MUC4: variants seen among roughly 807,000 people sequenced by gnomAD.
MUC4 encodes mucin 4, cell surface associated.
In MUC4, 202 loss-of-function variants were observed where a neutral mutation model predicts 257.9. The ratio of observed to expected loss-of-function variants is 0.78; its 90% CI spans 0.70 to 0.88. MUC4 has a LOEUF of 0.88. Ranked by LOEUF, MUC4 falls within the 40% of genes least tolerant of loss-of-function variation. MUC4 has a pLI of 0.00. For synonymous variants in MUC4, 2,351 were observed against 2,757.1 expected (o/e 0.85, Z 4.62); for missense variants, 5,976 against 6,513.7 (o/e 0.92, Z 2.84).
In MUC4 at chr3:195,789,583, G is replaced by A. The variant is rs1733594212; in HGVS notation, c.1997C>T (p.Thr666Ile). 6.2e-7 allele frequency: 1 copy of A among 1,613,970 alleles called. No individual in the cohort carries two copies. Among genetic ancestry groups the A allele is most frequent in the Non-Finnish European group, 8.5e-7 (1 of 1,179,880 alleles). The change falls in exon 2 of 25, where the codon ACC becomes ATC. Residue 666 changes from threonine to isoleucine, a missense_variant. Around this residue, in one of 44 missense-constraint regions of MUC4, gnomAD observed 1,583 missense variants for 1,257.4 expected, o/e 1.26. Coordinates refer to ENST00000463781, the MANE Select transcript of MUC4 (RefSeq NM_018406.7). ...SPMTDTKTVTTPGSSFTASGH... is the reference protein window; with the variant it reads ...SPMTDTKTVTIPGSSFTASGH... ...ACTGGCTGTGAAGGAAGAACCTGGG[G>A]TGGTGACTGTCTTGGTGTCAGTCAT...
chr3:195,796,822 G>A (rs1734635250), intron 1 of MUC4, among the ~76,000 whole-genome samples: 1 of 152,190 alleles, frequency 6.6e-6, no homozygotes, highest in Non-Finnish European at 1.5e-5. Context: ...GTTTGGAACA[G>A]GAGGAAATGA....
At position 195,791,264 on chromosome 3, in the gene MUC4, T is replaced by C; in HGVS notation, c.316A>G (p.Ser106Gly). 8 of 1,613,660 alleles carry C rather than the reference T, an allele frequency of 5.0e-6. No individual in the cohort carries two copies. The highest frequency in any genetic ancestry group is 6.8e-6 in the Non-Finnish European group (8 of 1,179,634). Reference sequence around the variant, plus strand: ...GCTGTCTCCATCACATTGTGTACACTTGGGGAAGAAAAAAGAGTTGATGTC... The same window carrying C: ...GCTGTCTCCATCACATTGTGTACACCTGGGGAAGAAAAAAGAGTTGATGTC... ...MMTSTLFSSP[S>G]VHNVMETAPP... The change falls in exon 2 of 25, where the codon AGT (serine) becomes GGT (glycine). Residue 106 changes from serine (S) to glycine (G), a missense_variant. Transcript: ENST00000463781.
intron 1 of MUC4, among the ~76,000 whole-genome samples, chr3:195,801,037 CTT>C (rs1184351207): frequency 3.9e-5 from 6 of 152,194 alleles, no homozygotes; most frequent in Non-Finnish European, 8.8e-5. Context: ...AGTATCCACT[CTT>C]AACAATGTTT....
At position 195,790,059 on chromosome 3, in the gene MUC4, T is replaced by C. The variant is rs1311822921; in HGVS notation, c.1521A>G (p.Ser507=). Residue 507 remains serine (S), a synonymous_variant, in exon 2 of 25, where the codon TCA becomes TCG. Coordinates refer to ENST00000463781, the MANE Select transcript of MUC4 (RefSeq NM_018406.7). ...HTTWSQTELP[S]TSTGAATRLV... ...GCCTAGTGGCAGCACCTGTTGATGT[T>C]GAGGGCAGTTCTGTTTGTGACCAAG... The C allele has an allele frequency of 1.2e-6, 2 of 1,613,906 alleles. No individual in the cohort carries two copies.
At chr3:195,752,900 C>T in intron 20 of MUC4, 151 bp downstream of exon 20, 1 of 760,698 alleles carries the variant, frequency 1.3e-6, no homozygotes, top group Non-Finnish European at 2.1e-6. Context: ...GCTCCCATAG[C>T]CCGCACCTTA....
chr3:195,811,842 T>C lies in MUC4; in HGVS notation c.-25A>G, dbSNP rs1306459883. 1.2e-6 allele frequency: 2 copies of C among 1,609,240 alleles called. No individual in the cohort carries two copies. Among genetic ancestry groups the C allele is most frequent in the African/African-American group, 1.3e-5 (1 of 74,820 alleles). On this transcript the variant is annotated 5_prime_UTR_variant, in exon 1 of 25. Transcript: ENST00000463781. ...TGGCTGCGGCAAAAGTCCCCCTGGCTCCCTGGGGAAGCTCCACGGCCCAGC... is the reference window on the plus strand; with the variant it reads ...TGGCTGCGGCAAAAGTCCCCCTGGCCCCCTGGGGAAGCTCCACGGCCCAGC...
intron 17 of MUC4, 30 bp downstream of exon 17, chr3:195,759,094 C>T: frequency 1.9e-6 from 3 of 1,611,978 alleles, no homozygotes; most frequent in Non-Finnish European, 2.5e-6. Context: ...CCCACCTCCC[C>T]ACTCTCCCCA....
At position 195,807,847 on chromosome 3, in the gene MUC4, A is replaced by G. The variant is rs180808648; in HGVS notation, c.82+3889T>C. ...CTCTCATTGCCTCTTGTCCTTAGCAATGAAGACACAAATCACTTGCGTGTC... is the reference window on the plus strand; with the variant it reads ...CTCTCATTGCCTCTTGTCCTTAGCAGTGAAGACACAAATCACTTGCGTGTC... On this transcript the variant is annotated intron_variant, in intron 1 of 24. Coordinates refer to ENST00000463781, the MANE Select transcript of MUC4 (RefSeq NM_018406.7). Among the ~76,000 whole-genome samples, 35 of 152,238 alleles carry G rather than the reference A, an allele frequency of 2.3e-4. 1 individual carries two copies. The highest frequency in any genetic ancestry group is 5.8e-4 in the African/African-American group (24 of 41,452).
At position 195,771,819 on chromosome 3, in the gene MUC4, G is replaced by C; in HGVS notation, c.13078-3C>G. The C allele has an allele frequency of 5.0e-6, 8 of 1,613,234 alleles. No individual in the cohort carries two copies. Among genetic ancestry groups the C allele is most frequent in the Non-Finnish European group, 6.8e-6 (8 of 1,179,380 alleles). On this transcript the variant is annotated splice_region_variant and splice_polypyrimidine_tract_variant and intron_variant, in intron 4 of 24. Coordinates refer to ENST00000463781, the MANE Select transcript of MUC4 (RefSeq NM_018406.7). Reference sequence around the variant, plus strand: ...ATGATCTGGCCATTGTCTGTGAACTGAGCACATGGGTTTTGTGGTCAGCAT... The same window carrying C: ...ATGATCTGGCCATTGTCTGTGAACTCAGCACATGGGTTTTGTGGTCAGCAT...
rs549638468 is a variant in MUC4 at position 195,780,159 on chromosome 3, G to C, written c.11421C>G (p.Thr3807=). The change falls in exon 2 of 25, where the codon ACC becomes ACG. Residue 3807 remains threonine, a synonymous_variant. Coordinates refer to ENST00000463781, the MANE Select transcript of MUC4 (RefSeq NM_018406.7). ...AGGAAAGGCTGGTGACAGGAAGAGG[G>C]GTGGCCTGACCTGTGGATGCTGAGG... The part of the protein sequence containing the change: ...DTSSASTGQA[T]PLPVTSLSSV... 104 of 1,478,950 alleles carry C rather than the reference G, an allele frequency of 7.0e-5. No individual in the cohort carries two copies. The East Asian group carries it at 8.4e-4, about 12-fold the overall frequency. The allele number at this position is 1,478,950 out of a possible 1,614,324, so 91.6% of individuals were successfully genotyped here.
rs187734372 is a variant in MUC4, at chr3:195,779,643, T to A, written c.11937A>T (p.Thr3979=). The A allele has an allele frequency of 1.6e-6, 1 of 621,752 alleles. No individual in the cohort carries two copies. 38.5% of individuals were successfully genotyped at this position (621,752 alleles called of 1,614,324 possible). A position where few individuals can be genotyped will look rare whatever the true frequency, so the allele number is the denominator to read the frequency against. ...TGACAGGAAGGGGGGTGGCGTGACC[T>A]GTGGATGCTGAGGAACGGCTGGTGA... ...LPVTSRSSAS[T]GHATPLPVTD... is the part of the protein sequence containing the mutation. Residue 3979 remains threonine (T), a synonymous_variant, in exon 2 of 25, where the codon ACA becomes ACT. Coordinates refer to ENST00000463781, the MANE Select transcript of MUC4 (RefSeq NM_018406.7).
At chr3:195,749,090 C>G in intron 23 of MUC4, 26 bp from the exon 24 acceptor site, 2 of 1,606,158 alleles carry the variant, frequency 1.2e-6, no homozygotes, top group Middle Eastern at 1.7e-4. Flanking sequence ...CAGATTAACA[C>G]AGAAAGCAAC....
chr3:195,757,184 T>C lies in MUC4; in HGVS notation c.15131A>G (p.Tyr5044Cys). ...GTTGCCCACCCTGCTGGTCTGATTGTACAAACACTGGCTCTCTGCATTGCA... is the reference window on the plus strand; with the variant it reads ...GTTGCCCACCCTGCTGGTCTGATTGCACAAACACTGGCTCTCTGCATTGCA... ...CHCNAESQCL[Y>C]NQTSRVGNSS... Residue 5044 changes from tyrosine (Y) to cysteine (C), a missense_variant, in exon 18 of 25, where the codon TAC becomes TGC. Physicochemically the swap from Tyr to Cys is radical, Grantham distance 194 (BLOSUM62 -2). Around this residue, in one of 44 missense-constraint regions of MUC4, gnomAD observed 996 missense variants for 1,137.3 expected, o/e 0.88. Transcript: ENST00000463781. This position sits in a 1 kb window ranked among gnomAD's most constrained non-coding sequence, Gnocchi z 4.8. 8 of 1,610,924 alleles carry C rather than the reference T, an allele frequency of 5.0e-6. No homozygotes were observed. Among genetic ancestry groups the C allele is most frequent in the Non-Finnish European group, 6.8e-6 (8 of 1,177,570 alleles).
intron 14 of MUC4, 74 bp downstream of exon 14, chr3:195,762,013 C>T (rs1719066317): frequency 1.3e-6 from 2 of 1,481,672 alleles, no homozygotes; most frequent in South Asian, 1.3e-5. Flanking sequence ...CAGGGCTGCC[C>T]GGGCCGCCGG....
chr3:195,790,177 C>T lies in MUC4; in HGVS notation c.1403G>A (p.Arg468Lys), dbSNP rs201020721. 6.1e-5 allele frequency: 99 copies of T among 1,613,872 alleles called. No individual in the cohort carries two copies. The highest frequency in any genetic ancestry group is 1.1e-4 in the South Asian group (10 of 91,078). Residue 468 changes from arginine to lysine, a missense_variant, in exon 2 of 25, where the codon AGG becomes AAG. By Grantham distance (26) the Arg-to-Lys change is conservative (BLOSUM62 2). Transcript: ENST00000463781. ...AGACACACCTGGAGAGAATGAGCTCCTCTCATGAGGCCGTCCTGTGGTCTC... is the reference window on the plus strand; with the variant it reads ...AGACACACCTGGAGAGAATGAGCTCTTCTCATGAGGCCGTCCTGTGGTCTC... ...GAETTGRPHE[R>K]SSFSPGVSQE...
chr3:195,806,073 G>A (rs988390012), intron 1 of MUC4, among the ~76,000 whole-genome samples: 2 of 152,132 alleles, frequency 1.3e-5, no homozygotes, highest in Admixed American at 6.5e-5. Flanking sequence ...CCGAGATAAC[G>A]CCACAGCACT....
chr3:195,791,659 G>A (rs1435532377), intron 1 of MUC4, among the ~76,000 whole-genome samples, 162 bp from the exon 2 acceptor site: 9 of 152,146 alleles, frequency 5.9e-5, no homozygotes, highest in African/African-American at 2.2e-4. Flanking sequence ...AATTCATATG[G>A]AATCAAAAAA....
rs201262457 is a variant in MUC4, at chr3:195,780,200, G to A, written c.11380C>T (p.Pro3794Ser). Residue 3794 changes from proline (P) to serine (S), a missense_variant, in exon 2 of 25, where the codon CCT becomes TCT. Transcript: ENST00000463781. ...SASTGDTTPL[P>S]VTDTSSASTG... ...GATGCTGAGGAAGTGTCGGTGACAG[G>A]AAGAGGGGTGGTGTCACCTGTGGAT... 1.2e-5 allele frequency: 18 copies of A among 1,475,766 alleles called. No homozygotes were observed. Among genetic ancestry groups the A allele is most frequent in the Non-Finnish European group, 9.2e-7 (1 of 1,082,832 alleles). 91.4% of individuals were successfully genotyped at this position (1,475,766 alleles called of 1,614,324 possible).
chr3:195,791,319 T>G lies in MUC4; in HGVS notation c.261A>C (p.Lys87Asn). 1 of 1,613,928 alleles carries G rather than the reference T, an allele frequency of 6.2e-7. No homozygotes were observed. Among genetic ancestry groups the G allele is most frequent in the Non-Finnish European group, 8.5e-7 (1 of 1,179,864 alleles). ...HQTKSTETTS[K>N]AQTDTLTQMM... ...TCTGCGTGAGGGTGTCGGTTTGAGC[T>G]TTGCTGGTGGTCTCCGTGCTCTTAG... The change falls in exon 2 of 25, where the codon AAA becomes AAC. Residue 87 changes from lysine to asparagine, a missense_variant. Lys to Asn is a moderately conservative substitution (Grantham distance 94). Around this residue, in one of 44 missense-constraint regions of MUC4, gnomAD observed 1,583 missense variants for 1,257.4 expected, o/e 1.26. Coordinates refer to ENST00000463781, the MANE Select transcript of MUC4 (RefSeq NM_018406.7).
Sources: gnomAD v4.1 joint callset for allele counts (sites outside exome capture counted in the v4.1 genomes callset) on GRCh38, gnomAD v4.1.1 for gene constraint, gnomAD v4.1.1 regional missense constraint, Gnocchi (gnomAD v3.1) non-coding constraint, MANE v1.5 for transcripts, NCBI Gene and HGNC (gene_info 2026-07-23, HGNC 2026-07-21) for gene names.